PCDH15: variants seen among roughly 807,000 people sequenced by gnomAD.
The protein encoded by PCDH15 is protocadherin related 15.
A neutral mutation model predicts 178.5 loss-of-function variants in PCDH15; 129 were observed. The observed-to-expected ratio is 0.72, with a 90% CI of 0.63 to 0.84. PCDH15 has a LOEUF of 0.84. Among genes scored for constraint, PCDH15 ranks in the 40% least tolerant of loss-of-function variants. The probability of loss-of-function intolerance (pLI) is 0.00; values close to 1 mark genes in which losing one functional copy is unlikely to be tolerated. For synonymous variants in PCDH15, 800 were observed against 732.0 expected (o/e 1.09, Z -1.50); for missense variants, 2,230 against 2,099.9 (o/e 1.06, Z -1.21).
At chr10:54,289,726 T>C (rs1011628721) in intron 8 of PCDH15, among the ~76,000 whole-genome samples, 2 of 152,156 alleles carry the variant, frequency 1.3e-5, no homozygotes, top group East Asian at 1.9e-4. Context: ...CTGAAAACCA[T>C]GGCACAAGAA....
At chr10:54,435,233 G>A (rs912111302) in intron 3 of PCDH15, among the ~76,000 whole-genome samples, 2 of 152,046 alleles carry the variant, frequency 1.3e-5, no homozygotes, top group Admixed American at 6.6e-5. Flanking sequence ...CCTTTTAAGA[G>A]GACTCTTTAT....
intron 3 of PCDH15, among the ~76,000 whole-genome samples, chr10:54,520,598 A>G (rs924823375): frequency 1.4e-4 from 21 of 152,180 alleles, no homozygotes; most frequent in African/African-American, 3.9e-4. Context: ...AAACAGGAAC[A>G]CTTTTACACT....
At chr10:54,222,250 T>C (rs181210219) in intron 9 of PCDH15, among the ~76,000 whole-genome samples, 3 of 152,358 alleles carry the variant, frequency 2.0e-5, no homozygotes, top group Admixed American at 1.3e-4. Context: ...ACAAGTCTGT[T>C]AATTTTCAGT....
chr10:55,172,382 T>C (rs1839359819), intron 1 of PCDH15, among the ~76,000 whole-genome samples: 1 of 151,994 alleles, frequency 6.6e-6, no homozygotes, highest in African/African-American at 2.4e-5. Flanking sequence ...TTTTTGAATT[T>C]TTTTTCTGAG....
chr10:55,216,412 A>G (rs1406925867), intron 1 of PCDH15, among the ~76,000 whole-genome samples: 1 of 151,942 alleles, frequency 6.6e-6, no homozygotes, highest in Non-Finnish European at 1.5e-5. Flanking sequence ...CAAATACGGT[A>G]TACACCAATT....
chr10:54,244,220 G>T (rs1032222318), intron 8 of PCDH15, among the ~76,000 whole-genome samples: 1 of 152,050 alleles, frequency 6.6e-6, no homozygotes, highest in Non-Finnish European at 1.5e-5. Flanking sequence ...CTTGTATAAT[G>T]TGACTGAATT....
chr10:55,533,769 G>T (rs1028687144), intron 2 of PCDH15, among the ~76,000 whole-genome samples: 3 of 151,940 alleles, frequency 2.0e-5, no homozygotes, highest in African/African-American at 7.2e-5. Context: ...AGCATGAATA[G>T]TCAAAGCAAT....
chr10:55,388,469 A>T (rs118101227), intron 2 of PCDH15, among the ~76,000 whole-genome samples: 4,414 of 152,176 alleles, frequency 0.029, 104 homozygotes, highest in Middle Eastern at 0.051. Flanking sequence ...CTCCACTGAG[A>T]TACAAGATAA....
intron 2 of PCDH15, among the ~76,000 whole-genome samples, chr10:54,542,821 C>T (rs1308198401): frequency 6.6e-6 from 1 of 152,150 alleles, no homozygotes; most frequent in Non-Finnish European, 1.5e-5. Context: ...AAGACTGGCG[C>T]TCCTGCTTTT....
At chr10:54,169,236 T>C (rs1419958567) in intron 13 of PCDH15, among the ~76,000 whole-genome samples, 7 of 71,416 alleles carry the variant, frequency 9.8e-5, no homozygotes, top group East Asian at 4.0e-4. Context: ...CTGACACTGC[T>C]TGATCGCCTC....
At chr10:54,477,948 G>A (rs966507325) in intron 3 of PCDH15, among the ~76,000 whole-genome samples, 6 of 152,102 alleles carry the variant, frequency 3.9e-5, no homozygotes, top group Admixed American at 6.6e-5. Flanking sequence ...CTACTGTTAC[G>A]CAATCATTCT....
intron 1 of PCDH15, among the ~76,000 whole-genome samples, chr10:55,264,219 T>C (rs1842222975): frequency 6.6e-6 from 1 of 152,136 alleles, no homozygotes; most frequent in Admixed American, 6.5e-5. Context: ...TCCAAGCTTC[T>C]TTTTAAGGGT....
chr10:55,049,167 A>T (rs1362111421), intron 2 of PCDH15, among the ~76,000 whole-genome samples: 2 of 151,958 alleles, frequency 1.3e-5, no homozygotes, highest in Admixed American at 1.3e-4. Flanking sequence ...GATGTTGTTT[A>T]TATCTTCAAA....
chr10:55,523,690 T>G (rs1187082591), intron 2 of PCDH15, among the ~76,000 whole-genome samples: 2 of 151,630 alleles, frequency 1.3e-5, no homozygotes, highest in African/African-American at 4.8e-5. Context: ...TGATTTAATC[T>G]CTATTTCCAT....
At chr10:55,469,327 A>G (rs1468956511) in intron 2 of PCDH15, 1 of 152,096 alleles carries the variant, frequency 6.6e-6, no homozygotes, top group Non-Finnish European at 1.5e-5. Context: ...ACTTGCAACA[A>G]TCTGCTTTAT....
chr10:54,114,010 T>A lies in PCDH15; in HGVS notation c.1917+18865A>T, dbSNP rs146491323. Among the ~76,000 whole-genome samples the A allele has an allele frequency of 3.7e-4, 56 of 152,222 alleles. No homozygotes were observed. In the East Asian group the frequency reaches 0.01, roughly 28 times the overall value. On this transcript the variant is annotated intron_variant, in intron 15 of 37. Transcript: ENST00000644397. Reference sequence around the variant, plus strand: ...TGAGATTTATTCACTATCATGAGAATGGCATAGGAAAATCTCGCCCACATG... The same window carrying A: ...TGAGATTTATTCACTATCATGAGAAAGGCATAGGAAAATCTCGCCCACATG...
At chr10:54,667,818 T>G (rs925178507) in intron 1 of PCDH15, among the ~76,000 whole-genome samples, 1 of 152,282 alleles carries the variant, frequency 6.6e-6, no homozygotes, top group South Asian at 2.1e-4. Flanking sequence ...TTTTAAGAGA[T>G]AATTAAATTG....
At chr10:54,353,634 C>A (rs1944504443) in intron 5 of PCDH15, among the ~76,000 whole-genome samples, 2 of 150,818 alleles carry the variant, frequency 1.3e-5, no homozygotes, top group South Asian at 2.1e-4. Flanking sequence ...TATCTGGCTT[C>A]TTTTGCTCAA....
At chr10:55,046,350 T>C (rs1841005548) in intron 2 of PCDH15, among the ~76,000 whole-genome samples, 1 of 152,016 alleles carries the variant, frequency 6.6e-6, no homozygotes, top group Non-Finnish European at 1.5e-5. Flanking sequence ...TGGTGATATC[T>C]GAATGGTGTG....
Sources: gnomAD v4.1 joint callset for allele counts (sites outside exome capture counted in the v4.1 genomes callset) on GRCh38, gnomAD v4.1.1 for gene constraint, MANE v1.5 for transcripts, NCBI Gene and HGNC (gene_info 2026-07-23, HGNC 2026-07-21) for gene names.